Variants in DMD observed in about 807,000 individuals in gnomAD.
DMD encodes dystrophin, also known as mutant dystrophin.
A neutral mutation model predicts 330.1 loss-of-function variants in DMD; 63 were observed. That is an observed-to-expected ratio of 0.19 (90% CI 0.16 to 0.24). The LOEUF is 0.24. DMD is among the 10% of genes least tolerant of loss of function. DMD has a pLI of 1.00. For synonymous variants in DMD, 1,223 were observed against 959.8 expected (o/e 1.27, Z -5.07); for missense variants, 3,344 against 2,684.1 (o/e 1.25, Z -5.43).
At chrX:31,216,518 G>A (rs1456618554) in intron 64 of DMD, among the ~76,000 whole-genome samples, 3 of 112,357 alleles carry the variant, frequency 2.7e-5, no homozygotes, top group African/African-American at 9.7e-5. Flanking sequence ...TCTAACCTAT[G>A]TGAAAAATAA....
chrX:31,962,657 T>A (rs762815679), intron 45 of DMD, among the ~76,000 whole-genome samples: 35 of 111,971 alleles, frequency 3.1e-4, no homozygotes, highest in African/African-American at 1.1e-3. Context: ...CATATTTTTT[T>A]AAAAAATGAG....
intron 23 of DMD, 23 bp downstream of exon 23, chrX:32,468,475 T>C: frequency 8.6e-7 from 1 of 1,156,848 alleles, no homozygotes; most frequent in Non-Finnish European, 1.2e-6. Flanking sequence ...AAAATGAGGG[T>C]AGAAAGTAAA....
intron 64 of DMD, among the ~76,000 whole-genome samples, chrX:31,222,262 C>T (rs2046152413): frequency 9.3e-6 from 1 of 107,666 alleles, no homozygotes; most frequent in African/African-American, 3.4e-5. Flanking sequence ...GTGGGGCATG[C>T]CTGTAATCCC....
At chrX:32,643,657 TA>T (rs1425657657) in intron 11 of DMD, among the ~76,000 whole-genome samples, 2 of 111,784 alleles carry the variant, frequency 1.8e-5, no homozygotes, top group African/African-American at 6.5e-5. Context: ...TACTGTATTT[TA>T]ATAAGAATTT....
At chrX:32,855,453 G>A (rs2081469748) in intron 2 of DMD, among the ~76,000 whole-genome samples, 1 of 111,654 alleles carries the variant, frequency 9.0e-6, no homozygotes, top group South Asian at 3.7e-4. Flanking sequence ...GCATGCTAAT[G>A]GCATAAAAAC....
At chrX:33,029,506 T>C (rs968032568) in intron 1 of DMD, among the ~76,000 whole-genome samples, 4 of 111,808 alleles carry the variant, frequency 3.6e-5, no homozygotes, top group African/African-American at 1.3e-4. Context: ...GGTCAATTGC[T>C]TTTTTATTGT....
intron 52 of DMD, among the ~76,000 whole-genome samples, chrX:31,698,354 C>T (rs765654512): frequency 3.6e-5 from 4 of 111,640 alleles, no homozygotes; most frequent in South Asian, 7.5e-4. Context: ...GACTGTTCTC[C>T]GAGGCTAAAA....
intron 1 of DMD, among the ~76,000 whole-genome samples, chrX:33,178,156 C>A (rs953872800): frequency 8.0e-5 from 9 of 111,872 alleles, no homozygotes; most frequent in African/African-American, 2.9e-4. Context: ...TAATCCACTG[C>A]AAGGGAAAGT....
At chrX:32,319,345 G>T (rs1292977340) in intron 41 of DMD, among the ~76,000 whole-genome samples, 2 of 110,633 alleles carry the variant, frequency 1.8e-5, no homozygotes, top group Admixed American at 9.7e-5. Context: ...AACTTATAAG[G>T]CAGCAAAAAA....
intron 55 of DMD, among the ~76,000 whole-genome samples, chrX:31,622,883 C>A (rs1183972152): frequency 9.9e-6 from 1 of 101,042 alleles, no homozygotes; most frequent in Non-Finnish European, 2.0e-5. Context: ...TATATACACA[C>A]ACACACACAC....
chrX:32,562,128 A>G (rs998178604), intron 16 of DMD, among the ~76,000 whole-genome samples: 1 of 112,051 alleles, frequency 8.9e-6, no homozygotes, highest in African/African-American at 3.2e-5. Flanking sequence ...TGATCATTTG[A>G]GTTTTTAAAG....
chrX:33,141,412 G>GTTT, intron 1 of DMD, among the ~76,000 whole-genome samples: 1 of 110,902 alleles, frequency 9.0e-6, no homozygotes, highest in East Asian at 2.8e-4. Flanking sequence ...GTCAAAAGTT[G>GTTT]TAAACGAGCA....
chrX:32,410,855 C>A (rs751554740), intron 30 of DMD, among the ~76,000 whole-genome samples: 8 of 112,184 alleles, frequency 7.1e-5, no homozygotes, highest in Non-Finnish European at 1.1e-4. Flanking sequence ...ATTTAAAAGT[C>A]AACTCAGATT....
chrX:32,029,727 T>C (rs1439840961), intron 44 of DMD, among the ~76,000 whole-genome samples: 1 of 112,177 alleles, frequency 8.9e-6, no homozygotes, highest in Non-Finnish European at 1.9e-5. Context: ...CATCTGGTTG[T>C]CTTCCTTCAA....
intron 54 of DMD, among the ~76,000 whole-genome samples, chrX:31,636,246 G>A (rs896458504): frequency 9.0e-5 from 10 of 111,207 alleles, no homozygotes; most frequent in Non-Finnish European, 1.7e-4. Context: ...TGTGTACTAC[G>A]CTTAATACCT....
intron 44 of DMD, among the ~76,000 whole-genome samples, chrX:32,087,577 T>C (rs998504694): frequency 2.7e-5 from 3 of 111,934 alleles, no homozygotes; most frequent in African/African-American, 9.7e-5. Flanking sequence ...TGCCCTGATA[T>C]TGACCCGCTA....
Position 33,193,801 on chromosome X carries a change from A to T in DMD, c.31+17481T>A, listed in dbSNP as rs373674000. On this transcript the variant is annotated intron_variant, in intron 1 of 78. Transcript: ENST00000357033. Reference sequence around the variant, plus strand: ...ATATCATATTATACCCAAAAAATTAAGTGTCATCATCTAATGGTTTGAAAC... The same window carrying T: ...ATATCATATTATACCCAAAAAATTATGTGTCATCATCTAATGGTTTGAAAC... Among the ~76,000 whole-genome samples, 238 of 111,842 alleles carry T rather than the reference A, an allele frequency of 2.1e-3. 2 individuals carry two copies. The highest frequency in any genetic ancestry group is 7.5e-3 in the African/African-American group (232 of 30,875).
chrX:31,264,730 C>T (rs1354212802), intron 62 of DMD, among the ~76,000 whole-genome samples: 1 of 111,771 alleles, frequency 8.9e-6, no homozygotes, highest in Non-Finnish European at 1.9e-5. Flanking sequence ...CCCAGCAACA[C>T]CTACTTGTCA....
intron 2 of DMD, among the ~76,000 whole-genome samples, chrX:32,937,632 T>C (rs775824570): frequency 4.2e-4 from 45 of 107,634 alleles, no homozygotes; most frequent in African/African-American, 1.3e-3. Flanking sequence ...GACAGAGACA[T>C]TGGATGAGTA....
Sources: gnomAD v4.1 joint callset for allele counts (sites outside exome capture counted in the v4.1 genomes callset) on GRCh38, gnomAD v4.1.1 for gene constraint, MANE v1.5 for transcripts, NCBI Gene and HGNC (gene_info 2026-07-23, HGNC 2026-07-21) for gene names.